TXLNB: variants seen among roughly 807,000 people sequenced by gnomAD.
TXLNB encodes the protein beta-taxilin.
Under a neutral mutation model 57.4 loss-of-function variants are expected in TXLNB, and 37 were observed. That is an observed-to-expected ratio of 0.64 (90% confidence interval 0.50 to 0.85). The LOEUF (loss-of-function observed/expected upper bound fraction) is 0.85, where lower values mean the gene tolerates loss of function less well. TXLNB is among the 40% of genes least tolerant of loss of function. The probability of loss-of-function intolerance (pLI) is 0.00; values close to 1 mark genes in which losing one functional copy is unlikely to be tolerated. For missense variants in TXLNB, 848 were observed against 825.6 expected, an observed-to-expected ratio of 1.03 and a Z score of -0.33; for synonymous variants, 302 against 309.6, an observed-to-expected ratio of 0.98 and a Z score of 0.26.
chr6:139,203,076 C>T, the TXLNB span, among the ~76,000 whole-genome samples: 1 of 152,074 alleles, frequency 6.6e-6, no homozygotes, highest in African/African-American at 2.4e-5. Flanking sequence ...TATATAAATA[C>T]CACATTTTCT....
chr6:139,223,126 T>C, the TXLNB span, among the ~76,000 whole-genome samples: 1 of 152,214 alleles, frequency 6.6e-6, no homozygotes, highest in African/African-American at 2.4e-5. Flanking sequence ...GTATAGTCCA[T>C]GACTGTAACA....
chr6:139,271,213 AC>A (rs1290508762), intron 3 of TXLNB: 1 of 152,420 alleles, frequency 6.6e-6, no homozygotes, highest in African/African-American at 2.4e-5. Context: ...CTAAGCATTG[AC>A]GGGTTTTCAC....
the TXLNB span, among the ~76,000 whole-genome samples, chr6:139,225,387 C>T: frequency 2.8e-4 from 42 of 152,084 alleles, no homozygotes; most frequent in Non-Finnish European, 7.4e-5. Context: ...AAAAAAATGC[C>T]ATTATTTCTA....
chr6:139,290,197 TG>T (rs1777273433), intron 1 of TXLNB, among the ~76,000 whole-genome samples: 1 of 152,048 alleles, frequency 6.6e-6, no homozygotes, highest in Non-Finnish European at 1.5e-5. Flanking sequence ...CTGGCCAACA[TG>T]GTGAAACCCT....
chr6:139,279,138 C>A (rs1776980061), intron 2 of TXLNB, among the ~76,000 whole-genome samples: 2 of 152,218 alleles, frequency 1.3e-5, no homozygotes, highest in African/African-American at 4.8e-5. Context: ...TGGAATACCT[C>A]TCAGTGTGTG....
chr6:139,193,838 A>ATTTT, the TXLNB span, among the ~76,000 whole-genome samples: 9 of 52,748 alleles, frequency 1.7e-4, no homozygotes, highest in South Asian at 1.1e-3. Flanking sequence ...ATATATATAT[A>ATTTT]TATTTTTTTT....
the TXLNB span, among the ~76,000 whole-genome samples, chr6:139,223,070 C>T: frequency 3.9e-5 from 6 of 152,130 alleles, no homozygotes; most frequent in Non-Finnish European, 7.4e-5. Flanking sequence ...TGACTGTATG[C>T]AAAACTATGT....
At position 139,242,956 on chromosome 6, in the gene TXLNB, T is replaced by A; in HGVS notation, c.1625A>T (p.Glu542Val). The A allele has an allele frequency of 6.2e-7, 1 of 1,614,152 alleles. No individual in the cohort carries two copies. Residue 542 changes from glutamate to valine, a missense_variant, in exon 10 of 10, where the codon GAG becomes GTG. Physicochemically the swap from Glu to Val is moderately radical, Grantham distance 121. Coordinates refer to ENST00000358430, the MANE Select transcript of TXLNB (RefSeq NM_153235.4). ...CCGTGAAGGGATCAGAGGGGGTTGC[T>A]CTGGCTCCTTGAGAGCGGCGTCAGC... ...ESADAALKEP[E>V]QPPLIPSRDS...
intron 4 of TXLNB, among the ~76,000 whole-genome samples, chr6:139,268,478 A>G (rs895945188): frequency 2.6e-5 from 4 of 152,248 alleles, no homozygotes; most frequent in Admixed American, 2.0e-4. Context: ...AAGACCATGT[A>G]TGATCGGCTA....
chr6:139,230,577 C>T, the TXLNB span, among the ~76,000 whole-genome samples: 2 of 152,190 alleles, frequency 1.3e-5, no homozygotes, highest in African/African-American at 2.4e-5. Context: ...ACTTCTTGTG[C>T]TCCATGCTCT....
chr6:139,317,686 C>T, the TXLNB span, among the ~76,000 whole-genome samples: 40 of 152,006 alleles, frequency 2.6e-4, no homozygotes, highest in Non-Finnish European at 1.0e-4. Flanking sequence ...CCACCATGCC[C>T]GGCCAAGACA....
At chr6:139,171,650 ATC>A in the TXLNB span, among the ~76,000 whole-genome samples, 1 of 151,712 alleles carries the variant, frequency 6.6e-6, no homozygotes, top group Non-Finnish European at 1.5e-5. Context: ...TTTTTTGAGT[ATC>A]TCAGTCTGTC....
chr6:139,236,579 G>A (rs935132233), downstream of TXLNB, among the ~76,000 whole-genome samples: 3 of 152,136 alleles, frequency 2.0e-5, no homozygotes, highest in African/African-American at 7.2e-5. Flanking sequence ...CTTCCACCAT[G>A]ATTTTAAGTT....
At chr6:139,209,107 TTAATGTACACAAA>T in the TXLNB span, among the ~76,000 whole-genome samples, 1 of 152,114 alleles carries the variant, frequency 6.6e-6, no homozygotes, top group Non-Finnish European at 1.5e-5. Flanking sequence ...GGATACAAAA[TTAATGTACACAAA>T]TCACTAATCC....
At chr6:139,299,381 A>G in the TXLNB span, among the ~76,000 whole-genome samples, 1 of 152,236 alleles carries the variant, frequency 6.6e-6, no homozygotes, top group Admixed American at 6.5e-5. Flanking sequence ...CTCTGGCCAC[A>G]AGATACCCAA....
chr6:139,270,638 G>T lies in TXLNB; in HGVS notation c.517-12C>A, dbSNP rs776308609. 11 of 1,612,364 alleles carry T rather than the reference G, an allele frequency of 6.8e-6. No homozygotes were observed. Among genetic ancestry groups the T allele is most frequent in the Non-Finnish European group, 9.3e-6 (11 of 1,179,302 alleles). ...CGATGTTCATCCAGCTGTACACATG[G>T]AGATACAAACATGAAAGAAAATGGC... On this transcript the variant is annotated splice_polypyrimidine_tract_variant and intron_variant, in intron 3 of 9. Transcript: ENST00000358430.
chr6:139,205,692 G>A, the TXLNB span, among the ~76,000 whole-genome samples: 1 of 152,078 alleles, frequency 6.6e-6, no homozygotes. Context: ...TAAGTAAAAT[G>A]TCCAAACCTA....
At chr6:139,192,608 A>G in the TXLNB span, among the ~76,000 whole-genome samples, 2 of 152,150 alleles carry the variant, frequency 1.3e-5, no homozygotes, top group Non-Finnish European at 2.9e-5. Context: ...GTAGAATATG[A>G]TCACAAAGAG....
chr6:139,211,410 G>A, the TXLNB span, among the ~76,000 whole-genome samples: 170 of 152,296 alleles, frequency 1.1e-3, no homozygotes, highest in African/African-American at 4.0e-3. Flanking sequence ...CAGACCTGCA[G>A]CTGAGGATCC....
Sources: gnomAD v4.1 joint callset for allele counts (sites outside exome capture counted in the v4.1 genomes callset) on GRCh38, gnomAD v4.1.1 for gene constraint, MANE v1.5 for transcripts, NCBI Gene and HGNC (gene_info 2026-07-23, HGNC 2026-07-21) for gene names.